PLCZ1: variants seen among roughly 807,000 people sequenced by gnomAD.
PLCZ1 encodes 1-phosphatidylinositol 4,5-bisphosphate phosphodiesterase zeta-1.
PLCZ1 carries 64 observed loss-of-function variants against 76.8 expected under a neutral mutation model. The observed-to-expected ratio is 0.83, with a 90% confidence interval of 0.68 to 1.03. The LOEUF is 1.03. Ranked by LOEUF, PLCZ1 falls within the 50% of genes least tolerant of loss-of-function variation. The pLI is 0.00. For missense variants in PLCZ1, 751 were observed against 713.7 expected, an observed-to-expected ratio of 1.05 and a Z score of -0.60; for synonymous variants, 248 against 230.8, an observed-to-expected ratio of 1.07 and a Z score of -0.68.
At chr12:18,647,906 G>T in the PLCZ1 span, 21 of 1,586,856 alleles carry the variant, frequency 1.3e-5, no homozygotes, top group Non-Finnish European at 1.8e-5. Flanking sequence ...AGAGCTCCAA[G>T]GACATGTCTT....
At chr12:18,689,001 AAAAG>A (rs1316960547) in intron 12 of PLCZ1, among the ~76,000 whole-genome samples, 2 of 152,084 alleles carry the variant, frequency 1.3e-5, no homozygotes, top group African/African-American at 4.8e-5. Flanking sequence ...GAAGGAGTAG[AAAAG>A]AAAGGAAAAG....
chr12:18,651,311 A>G, the PLCZ1 span, among the ~76,000 whole-genome samples: 580 of 152,070 alleles, frequency 3.8e-3, 8 homozygotes, highest in Admixed American at 3.4e-3. Context: ...TGCCCTGCCT[A>G]CCTTGAACAC....
chr12:18,660,290 C>T, the PLCZ1 span, among the ~76,000 whole-genome samples: 1 of 152,048 alleles, frequency 6.6e-6, no homozygotes, highest in Non-Finnish European at 1.5e-5. Context: ...AGGATACTGT[C>T]CATTAAATAT....
At chr12:18,720,438 T>A (rs1054609640) in intron 4 of PLCZ1, among the ~76,000 whole-genome samples, 1 of 151,312 alleles carries the variant, frequency 6.6e-6, no homozygotes, top group Non-Finnish European at 1.5e-5. Flanking sequence ...ATCTCTGAAC[T>A]GTTTTACTCA....
At chr12:18,719,991 T>C (rs1020076624) in intron 4 of PLCZ1, among the ~76,000 whole-genome samples, 9 of 152,098 alleles carry the variant, frequency 5.9e-5, no homozygotes, top group Non-Finnish European at 1.0e-4. Context: ...TCCAGAAGCC[T>C]GCCTCCGACT....
chr12:18,707,259 C>T lies in PLCZ1; in HGVS notation c.715-1944G>A, dbSNP rs558157371. 5.3e-5 allele frequency among the ~76,000 whole-genome samples: 8 copies of T among 152,268 alleles called. No homozygotes were observed. The East Asian group carries it at 9.6e-4, about 18-fold the overall frequency. Reference sequence around the variant, plus strand: ...TTTTTGGAAGCCCTTATTTGACCTACACAATGATCTTCTGAATTAGAGTGA... The same window carrying T: ...TTTTTGGAAGCCCTTATTTGACCTATACAATGATCTTCTGAATTAGAGTGA... On this transcript the variant is annotated intron_variant, in intron 6 of 14. Coordinates refer to ENST00000266505, the MANE Select transcript of PLCZ1 (RefSeq NM_033123.4).
chr12:18,704,091 G>A (rs1213434277), intron 7 of PLCZ1, among the ~76,000 whole-genome samples: 1 of 152,176 alleles, frequency 6.6e-6, no homozygotes, highest in Non-Finnish European at 1.5e-5. Flanking sequence ...GCTAAAGAAT[G>A]TGGTGTTACA....
At chr12:18,702,247 C>T (rs879445044) in intron 7 of PLCZ1, among the ~76,000 whole-genome samples, 7 of 151,610 alleles carry the variant, frequency 4.6e-5, no homozygotes, top group African/African-American at 9.7e-5. Flanking sequence ...ATTAAAGATT[C>T]GTAATAAAGG....
rs1387605052 is a variant in PLCZ1 at position 18,705,267 on chromosome 12, C to T, written c.763G>A (p.Ala255Thr). ...VLSLENHCSTAQQEVMADNLQ... is the reference protein window; with the variant it reads ...VLSLENHCSTTQQEVMADNLQ... ...TTGTCTGCCATTACTTCTTGTTGGGCAGTGGAGCAGTGATTTTCTAAAGAG... is the reference window on the plus strand; with the variant it reads ...TTGTCTGCCATTACTTCTTGTTGGGTAGTGGAGCAGTGATTTTCTAAAGAG... Residue 255 changes from alanine (A) to threonine (T), a missense_variant, in exon 7 of 15, where the codon GCC (alanine) becomes ACC (threonine). Coordinates refer to ENST00000266505, the MANE Select transcript of PLCZ1 (RefSeq NM_033123.4). The T allele has an allele frequency of 1.2e-6, 2 of 1,613,926 alleles. No individual in the cohort carries two copies. Among genetic ancestry groups the T allele is most frequent in the African/African-American group, 1.3e-5 (1 of 74,882 alleles).
At chr12:18,713,834 T>C (rs1957627737) in intron 5 of PLCZ1, 2 of 152,168 alleles carry the variant, frequency 1.3e-5, no homozygotes, top group Admixed American at 6.5e-5. Context: ...ACCTAAAAAA[T>C]AAATATTGGT....
At position 18,737,523 on chromosome 12, in the gene PLCZ1, A is replaced by G; in HGVS notation, c.-138-14T>C. On this transcript the variant is annotated splice_polypyrimidine_tract_variant and intron_variant, in intron 1 of 14. Coordinates refer to ENST00000266505, the MANE Select transcript of PLCZ1 (RefSeq NM_033123.4). Reference sequence around the variant, plus strand: ...GTTACCACTTTTCTAGGGAGAAAGCAGAGAACACACAGTGGTTTTTTTTGC... The same window carrying G: ...GTTACCACTTTTCTAGGGAGAAAGCGGAGAACACACAGTGGTTTTTTTTGC... 9.5e-7 allele frequency: 1 copy of G among 1,048,752 alleles called. No homozygotes were observed. Among genetic ancestry groups the G allele is most frequent in the Non-Finnish European group, 1.4e-6 (1 of 711,114 alleles). 65.0% of individuals were successfully genotyped at this position (1,048,752 alleles called of 1,614,324 possible).
At chr12:18,676,200 G>T in the PLCZ1 span, among the ~76,000 whole-genome samples, 1 of 152,138 alleles carries the variant, frequency 6.6e-6, no homozygotes, top group Non-Finnish European at 1.5e-5. Flanking sequence ...ACAAGAGAAA[G>T]AAACCAGGTC....
chr12:18,657,293 A>G, the PLCZ1 span, among the ~76,000 whole-genome samples: 1 of 152,170 alleles, frequency 6.6e-6, no homozygotes, highest in Non-Finnish European at 1.5e-5. Context: ...AGGGCTCTGA[A>G]AAGTTTCCAC....
In PLCZ1 at chr12:18,705,188, G is replaced by T; in HGVS notation, c.842C>A (p.Pro281His). The change falls in exon 7 of 15, where the codon CCT becomes CAT. Residue 281 changes from proline to histidine, a missense_variant. Coordinates refer to ENST00000266505, the MANE Select transcript of PLCZ1 (RefSeq NM_033123.4). ...TACCTCTGGTGATGGTAGAGTATCAGGAAAATCATCAAGCATATCAGAAAG... is the reference window on the plus strand; with the variant it reads ...TACCTCTGGTGATGGTAGAGTATCATGAAAATCATCAAGCATATCAGAAAG... ...SLLSDMLDDF[P>H]DTLPSPEALK... 1 of 1,614,012 alleles carries T rather than the reference G, an allele frequency of 6.2e-7. No homozygotes were observed. Among genetic ancestry groups the T allele is most frequent in the Non-Finnish European group, 8.5e-7 (1 of 1,179,998 alleles).
intron 12 of PLCZ1, among the ~76,000 whole-genome samples, 200 bp from the exon 13 acceptor site, chr12:18,688,418 T>C (rs1174551074): frequency 6.6e-6 from 1 of 152,042 alleles, no homozygotes; most frequent in Non-Finnish European, 1.5e-5. Context: ...CAAGAATATG[T>C]ACAAAATTAT....
chr12:18,700,128 T>C (rs1955682673), intron 9 of PLCZ1, among the ~76,000 whole-genome samples, 178 bp from the exon 10 acceptor site: 1 of 152,168 alleles, frequency 6.6e-6, no homozygotes, highest in South Asian at 2.1e-4. Flanking sequence ...AAATATTTAA[T>C]GTTAAGATAA....
intron 10 of PLCZ1, among the ~76,000 whole-genome samples, chr12:18,697,507 C>A (rs370214896): frequency 4.6e-5 from 7 of 152,060 alleles, no homozygotes; most frequent in Non-Finnish European, 7.4e-5. Flanking sequence ...GGTCTCATAA[C>A]ATAATATGAT....
chr12:18,736,447 A>G (rs1027781975), intron 2 of PLCZ1, 103 bp from the exon 3 acceptor site: 1 of 1,319,542 alleles, frequency 7.6e-7, no homozygotes, highest in Non-Finnish European at 1.0e-6. Context: ...ATTTTTAAAG[A>G]ATATGTTTAA....
At chr12:18,650,754 ATATATATATAT>A in the PLCZ1 span, among the ~76,000 whole-genome samples, 8 of 105,268 alleles carry the variant, frequency 7.6e-5, no homozygotes, top group African/African-American at 2.9e-4. Context: ...ATATATATAT[ATATATATATAT>A]TCCAGTCCAT....
Sources: gnomAD v4.1 joint callset for allele counts (sites outside exome capture counted in the v4.1 genomes callset) on GRCh38, gnomAD v4.1.1 for gene constraint, MANE v1.5 for transcripts, NCBI Gene and HGNC (gene_info 2026-07-23, HGNC 2026-07-21) for gene names.